Variants in ACCSL observed in about 807,000 individuals in gnomAD.
ACCSL encodes probable inactive 1-aminocyclopropane-1-carboxylate synthase-like protein 2.
In ACCSL, 55 loss-of-function variants were observed where a neutral mutation model predicts 61.7. The observed-to-expected ratio is 0.89, with a 90% CI of 0.72 to 1.12. The LOEUF (loss-of-function observed/expected upper bound fraction) is 1.12, where lower values mean the gene tolerates loss of function less well. ACCSL is among the 50% of genes most tolerant of loss of function. ACCSL has a pLI of 0.00. For synonymous variants in ACCSL, 258 were observed against 264.3 expected (o/e 0.98, Z 0.23); for missense variants, 632 against 698.0 (o/e 0.91, Z 1.07).
At chr11:43,966,643 T>C in the ACCSL span, among the ~76,000 whole-genome samples, 32 of 152,182 alleles carry the variant, frequency 2.1e-4, no homozygotes, top group African/African-American at 5.3e-4. Flanking sequence ...CTGACATTTA[T>C]CCAAAGAAGA....
At chr11:43,983,851 C>T in the ACCSL span, among the ~76,000 whole-genome samples, 1 of 152,110 alleles carries the variant, frequency 6.6e-6, no homozygotes, top group South Asian at 2.1e-4. Flanking sequence ...CGCTGTGGCT[C>T]ACACCTATAA....
chr11:43,953,499 T>G, the ACCSL span, among the ~76,000 whole-genome samples: 1 of 129,246 alleles, frequency 7.7e-6, no homozygotes, highest in East Asian at 2.2e-4. Flanking sequence ...CCAGCCTGAG[T>G]GACAGAGCGA....
chr11:43,933,272 T>C, the ACCSL span: 1 of 427,846 alleles, frequency 2.3e-6, no homozygotes, highest in Non-Finnish European at 4.7e-6. Context: ...TGGATGTCCC[T>C]GGACCTCAGT....
chr11:44,050,340 C>A lies in ACCSL; in HGVS notation c.565-212C>A, dbSNP rs371441431. Among the ~76,000 whole-genome samples the A allele has an allele frequency of 1.9e-4, 29 of 152,300 alleles. 1 individual carries two copies. In the South Asian group the frequency reaches 5.4e-3, roughly 28 times the overall value. ...GGTGGGAAAGTTGCTATGGGAACCTCTGGGTCAAATACTTCCCAGTGAGGT... is the reference window on the plus strand; with the variant it reads ...GGTGGGAAAGTTGCTATGGGAACCTATGGGTCAAATACTTCCCAGTGAGGT... On this transcript the variant is annotated intron_variant, in intron 2 of 13. Transcript: ENST00000378832.
the ACCSL span, among the ~76,000 whole-genome samples, chr11:43,955,634 T>C: frequency 2.0e-5 from 3 of 151,990 alleles, no homozygotes; most frequent in Admixed American, 2.0e-4. Flanking sequence ...TGGGTCTGGG[T>C]GAAGGTGAGT....
the ACCSL span, among the ~76,000 whole-genome samples, chr11:44,030,028 T>G: frequency 7.4e-6 from 1 of 135,918 alleles, no homozygotes; most frequent in Non-Finnish European, 1.6e-5. Context: ...TATTTTATTT[T>G]ATTTTATGTT....
the ACCSL span, among the ~76,000 whole-genome samples, chr11:43,960,397 T>C: frequency 7.9e-5 from 12 of 152,176 alleles, no homozygotes; most frequent in African/African-American, 2.9e-4. Context: ...CTTTTTCGTT[T>C]GTTTGTTTGG....
At chr11:44,059,125 C>T (rs1218762695) in intron 13 of ACCSL, among the ~76,000 whole-genome samples, 1 of 152,268 alleles carries the variant, frequency 6.6e-6, no homozygotes, top group African/African-American at 2.4e-5. Flanking sequence ...GCCTGTAATC[C>T]CAGCTACTCG....
At chr11:43,935,238 G>T in the ACCSL span, among the ~76,000 whole-genome samples, 2 of 152,238 alleles carry the variant, frequency 1.3e-5, no homozygotes, top group South Asian at 2.1e-4. Flanking sequence ...AGGCCACAGA[G>T]TGTGTACACG....
the ACCSL span, chr11:43,944,528 CTT>C: frequency 1.3e-5 from 2 of 152,884 alleles, no homozygotes; most frequent in Admixed American, 6.5e-5. Context: ...TGGGGCATGT[CTT>C]TGGTTAGAGC....
chr11:43,931,706 G>GC, the ACCSL span, among the ~76,000 whole-genome samples: 2 of 152,202 alleles, frequency 1.3e-5, no homozygotes, highest in Non-Finnish European at 2.9e-5. Flanking sequence ...TTGGTGCCTG[G>GC]CAAGAGTTAG....
chr11:43,955,910 C>T, the ACCSL span, among the ~76,000 whole-genome samples: 67 of 151,486 alleles, frequency 4.4e-4, no homozygotes, highest in Non-Finnish European at 5.6e-4. Context: ...AGCTTGGCCT[C>T]GGCTCAGGAA....
chr11:43,935,194 G>T, the ACCSL span, among the ~76,000 whole-genome samples: 5 of 152,334 alleles, frequency 3.3e-5, no homozygotes, highest in African/African-American at 9.6e-5. Flanking sequence ...CCGGATGGGG[G>T]AACCGTGGCT....
chr11:43,988,806 CTTTTTTTTTTTTTTT>C, the ACCSL span, among the ~76,000 whole-genome samples: 1 of 97,236 alleles, frequency 1.0e-5, no homozygotes, highest in African/African-American at 4.1e-5. Context: ...ATTCTCTCTT[CTTTTTTTTTTTTTTT>C]TTTTTTTTTT....
chr11:43,984,890 AG>A, the ACCSL span, among the ~76,000 whole-genome samples: 66 of 152,330 alleles, frequency 4.3e-4, no homozygotes, highest in African/African-American at 1.6e-3. Flanking sequence ...GGAAATGGCC[AG>A]GGGCTCTTCG....
the ACCSL span, among the ~76,000 whole-genome samples, chr11:43,930,443 A>T: frequency 6.6e-6 from 1 of 152,184 alleles, no homozygotes; most frequent in Non-Finnish European, 1.5e-5. Context: ...TGGATCCCTC[A>T]TGAATGGCTT....
At chr11:44,015,137 C>CT in the ACCSL span, among the ~76,000 whole-genome samples, 3 of 152,168 alleles carry the variant, frequency 2.0e-5, no homozygotes, top group African/African-American at 7.2e-5. Flanking sequence ...CAGCTAATGG[C>CT]TTTTTTTCTG....
chr11:43,921,149 C>A, the ACCSL span: 3 of 152,352 alleles, frequency 2.0e-5, no homozygotes, highest in African/African-American at 7.2e-5. Flanking sequence ...GTTAGAGTTT[C>A]TCTGTCTGCC....
the ACCSL span, chr11:43,942,873 C>G: frequency 4.0e-6 from 5 of 1,265,568 alleles, no homozygotes; most frequent in Non-Finnish European, 5.0e-6. Context: ...CCCGGCGCCC[C>G]GCCGCCCGGC....
Sources: gnomAD v4.1 joint callset for allele counts (sites outside exome capture counted in the v4.1 genomes callset) on GRCh38, gnomAD v4.1.1 for gene constraint, MANE v1.5 for transcripts, NCBI Gene and HGNC (gene_info 2026-07-23, HGNC 2026-07-21) for gene names.